The following SLIT2 variants were observed in gnomAD, a reference collection of about 807,000 sequenced individuals.
The protein encoded by SLIT2 is slit guidance ligand 2, also known as slit homolog 2 protein.
SLIT2 carries 41 observed loss-of-function variants against 185.7 expected under a neutral mutation model. The ratio of observed to expected loss-of-function variants is 0.22; its 90% CI spans 0.17 to 0.29. The LOEUF (loss-of-function observed/expected upper bound fraction) is 0.29, where lower values mean the gene tolerates loss of function less well. Ranked by LOEUF, SLIT2 falls within the 10% of genes least tolerant of loss-of-function variation. The pLI, the probability that SLIT2 is intolerant of heterozygous loss-of-function variation, is 1.00. For missense variants in SLIT2, 1,571 were observed against 1,909.0 expected (o/e 0.82, Z 3.30); for synonymous variants, 693 against 680.2 (o/e 1.02, Z -0.29).
rs771375896 is a variant in SLIT2, at chr4:20,610,150, C to T, written c.3830C>T (p.Ser1277Phe). Residue 1277 changes from serine to phenylalanine, a missense_variant, in exon 34 of 37, where the codon TCT becomes TTT. This residue lies in a region of SLIT2 where 146 missense variants were observed against 247.4 expected (regional missense o/e 0.59). Coordinates refer to ENST00000504154, the MANE Select transcript of SLIT2 (RefSeq NM_004787.4). The stretch of plus-strand genomic sequence containing the variant: ...AAGCAGTCCACTCTGAATTTTGACT[C>T]TCCACTCTATGTAGGAGGTAAGCTG... ...LSKQSTLNFDSPLYVGGMPGK... is the reference protein window; with the variant it reads ...LSKQSTLNFDFPLYVGGMPGK... The T allele has an allele frequency of 6.2e-7, 1 of 1,613,518 alleles. No individual in the cohort carries two copies.
At chr4:20,496,863 T>C (rs768007799) in intron 9 of SLIT2, among the ~76,000 whole-genome samples, 19 of 152,128 alleles carry the variant, frequency 1.2e-4, no homozygotes, top group Non-Finnish European at 1.9e-4. Flanking sequence ...TTAACCAAAT[T>C]TGATAAATAG....
intron 4 of SLIT2, among the ~76,000 whole-genome samples, chr4:20,269,527 C>T (rs1186087062): frequency 3.3e-5 from 5 of 151,718 alleles, no homozygotes; most frequent in Admixed American, 2.6e-4. Context: ...TTGCACTGAC[C>T]TAATGTGTAA....
chr4:20,285,118 A>G (rs1414826685), intron 4 of SLIT2, among the ~76,000 whole-genome samples: 3 of 152,232 alleles, frequency 2.0e-5, no homozygotes, highest in African/African-American at 4.8e-5. Context: ...TGCACATAAA[A>G]GGCCATTATC....
intron 4 of SLIT2, among the ~76,000 whole-genome samples, chr4:20,395,450 T>C (rs1725814249): frequency 6.6e-6 from 1 of 152,046 alleles, no homozygotes; most frequent in South Asian, 2.1e-4. Context: ...TTTTATTCAA[T>C]AGGATTAGGG....
At chr4:20,561,156 A>C (rs1724657015) in intron 26 of SLIT2, among the ~76,000 whole-genome samples, 1 of 151,804 alleles carries the variant, frequency 6.6e-6, no homozygotes, top group Non-Finnish European at 1.5e-5. Flanking sequence ...TCTGGTAGCC[A>C]TGAGCTCAAA....
intron 4 of SLIT2, among the ~76,000 whole-genome samples, chr4:20,341,461 A>G (rs1720957791): frequency 6.6e-6 from 1 of 152,220 alleles, no homozygotes; most frequent in African/African-American, 2.4e-5. Context: ...TTTTAAATAG[A>G]CTTGTTTTCA....
chr4:20,302,072 G>A (rs944730254), intron 4 of SLIT2, among the ~76,000 whole-genome samples: 3 of 152,146 alleles, frequency 2.0e-5, no homozygotes, highest in Non-Finnish European at 2.9e-5. Flanking sequence ...TCTAATAAGT[G>A]ACAAAAATAG....
At chr4:20,610,940 G>A (rs1313457171) in intron 34 of SLIT2, among the ~76,000 whole-genome samples, 1 of 152,138 alleles carries the variant, frequency 6.6e-6, no homozygotes, top group Non-Finnish European at 1.5e-5. Context: ...CCATCGGAGA[G>A]GACCCGCAAA....
chr4:20,577,283 T>A (rs1268514868), intron 29 of SLIT2, among the ~76,000 whole-genome samples: 1 of 151,866 alleles, frequency 6.6e-6, no homozygotes, highest in Non-Finnish European at 1.5e-5. Context: ...CCTGACAGAG[T>A]CAAGCAACTC....
At chr4:20,368,175 T>G (rs1282447942) in intron 4 of SLIT2, among the ~76,000 whole-genome samples, 1 of 145,422 alleles carries the variant, frequency 6.9e-6, no homozygotes, top group Non-Finnish European at 1.5e-5. Context: ...ATAATCCAAC[T>G]CTGTATTAGT....
rs563410662 is a variant in SLIT2, at chr4:20,389,132, G to A, written c.396-78620G>A. ...GTAGACATTACTATTTATTTTTCAA[G>A]CGTATGATAATCAAATGAGATCATT... On this transcript the variant is annotated intron_variant, in intron 4 of 36. Coordinates refer to ENST00000504154, the MANE Select transcript of SLIT2 (RefSeq NM_004787.4). Among the ~76,000 whole-genome samples the A allele has an allele frequency of 1.4e-3, 214 of 150,890 alleles. 8 individuals carry two copies. In the South Asian group the frequency reaches 0.043, roughly 30 times the overall value.
At chr4:20,469,664 T>C (rs1714750150) in intron 5 of SLIT2, among the ~76,000 whole-genome samples, 1 of 151,932 alleles carries the variant, frequency 6.6e-6, no homozygotes, top group Non-Finnish European at 1.5e-5. Flanking sequence ...TTAGTTGAGT[T>C]TAAGACTGGA....
intron 3 of SLIT2, among the ~76,000 whole-genome samples, chr4:20,267,678 A>G (rs551888264): frequency 1.3e-5 from 2 of 152,014 alleles, no homozygotes; most frequent in South Asian, 2.1e-4. Flanking sequence ...AGGAGTTACA[A>G]TCAAGGGGCC....
intron 4 of SLIT2, among the ~76,000 whole-genome samples, chr4:20,438,374 A>C (rs1189408466): frequency 6.6e-6 from 1 of 152,176 alleles, no homozygotes; most frequent in Non-Finnish European, 1.5e-5. Context: ...GGAGTAAGTC[A>C]CATCTTACGT....
At chr4:20,275,453 A>G (rs1714075621) in intron 4 of SLIT2, among the ~76,000 whole-genome samples, 1 of 152,156 alleles carries the variant, frequency 6.6e-6, no homozygotes, top group South Asian at 2.1e-4. Context: ...TAGAAACTAT[A>G]ATTATATTAT....
chr4:20,458,536 G>A (rs1174194159), intron 4 of SLIT2, among the ~76,000 whole-genome samples: 2 of 152,116 alleles, frequency 1.3e-5, no homozygotes, highest in African/African-American at 4.8e-5. Context: ...CTGGAGTGGC[G>A]CTCAGAAGTC....
intron 4 of SLIT2, among the ~76,000 whole-genome samples, chr4:20,366,431 C>A (rs1305994642): frequency 6.6e-6 from 1 of 152,090 alleles, no homozygotes; most frequent in South Asian, 2.1e-4. Context: ...TTTGACCAAT[C>A]CTACCATGGA....
intron 4 of SLIT2, among the ~76,000 whole-genome samples, chr4:20,336,066 A>G (rs1258078146): frequency 6.6e-6 from 1 of 152,130 alleles, no homozygotes; most frequent in Non-Finnish European, 1.5e-5. Flanking sequence ...GTGTAGGGTG[A>G]TACAGTGTAA....
Position 20,307,139 on chromosome 4 carries a change from C to CCTCA in SLIT2, c.395+38261_395+38262insACTC, listed in dbSNP as rs1717632109. Among the ~76,000 whole-genome samples the CCTCA allele has an allele frequency of 1.2e-4, 3 of 25,462 alleles. No homozygotes were observed. In the Admixed American group the frequency reaches 1.3e-3, roughly 11 times the overall value. 16.7% of individuals were successfully genotyped at this position (25,462 alleles called of 152,430 possible). A position where few individuals can be genotyped will look rare whatever the true frequency, so the allele number is the denominator to read the frequency against. ...CTCCCTTCCCTTCCCTCCCTTCCTCCCTCCCTCCCTCCCTCCCTCCCTCCT... is the reference window on the plus strand; with the variant it reads ...CTCCCTTCCCTTCCCTCCCTTCCTCCCTCACTCCCTCCCTCCCTCCCTCCCTCCT... On this transcript the variant is annotated intron_variant, in intron 4 of 36. Coordinates refer to ENST00000504154, the MANE Select transcript of SLIT2 (RefSeq NM_004787.4).
Sources: gnomAD v4.1 joint callset for allele counts (sites outside exome capture counted in the v4.1 genomes callset) on GRCh38, gnomAD v4.1.1 for gene constraint, gnomAD v4.1.1 regional missense constraint, MANE v1.5 for transcripts, NCBI Gene and HGNC (gene_info 2026-07-23, HGNC 2026-07-21) for gene names.